The following ADGRB3 variants were observed in gnomAD, a reference collection of about 807,000 sequenced individuals.
ADGRB3 encodes the protein brain-specific angiogenesis inhibitor 3.
In ADGRB3, 37 loss-of-function variants were observed where a neutral mutation model predicts 193.4. That is an observed-to-expected ratio of 0.19 (90% CI 0.15 to 0.25). The LOEUF (loss-of-function observed/expected upper bound fraction) is 0.25, where lower values mean the gene tolerates loss of function less well. ADGRB3 is among the 10% of genes least tolerant of loss of function. The pLI is 1.00. For missense variants in ADGRB3, 1,637 were observed against 1,852.9 expected, an observed-to-expected ratio of 0.88 and a Z score of 2.14; for synonymous variants, 690 against 644.2, an observed-to-expected ratio of 1.07 and a Z score of -1.08.
At position 68,844,631 on chromosome 6, in the gene ADGRB3, A is replaced by G. The variant is rs1489662705; in HGVS notation, c.758-85928A>G. Among the ~76,000 whole-genome samples, 9 of 152,284 alleles carry G rather than the reference A, an allele frequency of 5.9e-5. No individual in the cohort carries two copies. In the South Asian group the frequency reaches 1.0e-3, roughly 18 times the overall value. On this transcript the variant is annotated intron_variant, in intron 3 of 31. Transcript: ENST00000370598. ...GTACCCACTGCTAGGTGTATACCCAAAAGTAATCAGGATATGGAGGAGATA... is the reference window on the plus strand; with the variant it reads ...GTACCCACTGCTAGGTGTATACCCAGAAGTAATCAGGATATGGAGGAGATA...
chr6:68,700,963 A>G (rs1266052263), intron 3 of ADGRB3, among the ~76,000 whole-genome samples: 1 of 152,140 alleles, frequency 6.6e-6, no homozygotes, highest in Non-Finnish European at 1.5e-5. Flanking sequence ...TAGAACTTGA[A>G]GTATAATAAA....
chr6:69,083,294 T>G (rs1772441467), intron 17 of ADGRB3, among the ~76,000 whole-genome samples: 1 of 152,200 alleles, frequency 6.6e-6, no homozygotes, highest in African/African-American at 2.4e-5. Context: ...CTTTTTAGAC[T>G]AAAGTATTTG....
chr6:68,892,506 C>T (rs2150229655), intron 3 of ADGRB3, among the ~76,000 whole-genome samples: 1 of 152,270 alleles, frequency 6.6e-6, no homozygotes, highest in Non-Finnish European at 1.5e-5. Context: ...TCCAACTCAA[C>T]ACTCAATTTA....
intron 17 of ADGRB3, among the ~76,000 whole-genome samples, chr6:69,079,553 G>T (rs895452553): frequency 6.6e-6 from 1 of 151,990 alleles, no homozygotes; most frequent in Admixed American, 6.6e-5. Context: ...CCTATTCAAC[G>T]TAGTATTGGA....
chr6:69,283,004 A>G (rs1767468094), intron 20 of ADGRB3, among the ~76,000 whole-genome samples: 1 of 152,158 alleles, frequency 6.6e-6, no homozygotes, highest in Non-Finnish European at 1.5e-5. Flanking sequence ...GAGATGGGCC[A>G]TGAGGAAGTG....
At chr6:69,038,179 G>A (rs1289448938) in intron 13 of ADGRB3, among the ~76,000 whole-genome samples, 1 of 152,136 alleles carries the variant, frequency 6.6e-6, no homozygotes, top group African/African-American at 2.4e-5. Flanking sequence ...TTCTGGGAAT[G>A]AGTGATTTGC....
chr6:68,779,230 ATGTGTGTGTGTGTG>A (rs4038665), intron 3 of ADGRB3, among the ~76,000 whole-genome samples: 1 of 144,490 alleles, frequency 6.9e-6, no homozygotes, highest in Non-Finnish European at 1.5e-5. Context: ...TGTATATATT[ATGTGTGTGTGTGTG>A]TGTGTGTGTG....
intron 17 of ADGRB3, among the ~76,000 whole-genome samples, chr6:69,166,264 G>A (rs913458933): frequency 1.3e-5 from 2 of 152,046 alleles, no homozygotes; most frequent in Admixed American, 6.6e-5. Flanking sequence ...CAGCAGGTTC[G>A]TAGCTCGAAG....
At chr6:69,366,788 T>A (rs1769578117) in intron 29 of ADGRB3, among the ~76,000 whole-genome samples, 1 of 152,140 alleles carries the variant, frequency 6.6e-6, no homozygotes, top group Non-Finnish European at 1.5e-5. Flanking sequence ...AAATAAAAAG[T>A]CACATTCTTT....
intron 23 of ADGRB3, 23 bp downstream of exon 23, chr6:69,330,595 T>A (rs1489286166): frequency 5.7e-6 from 9 of 1,581,360 alleles, no homozygotes; most frequent in Non-Finnish European, 7.7e-6. Context: ...ATCAACCTAT[T>A]TTGTTTTCTT....
At chr6:69,201,114 G>T (rs994326807) in intron 17 of ADGRB3, among the ~76,000 whole-genome samples, 2 of 151,960 alleles carry the variant, frequency 1.3e-5, no homozygotes, top group African/African-American at 4.8e-5. Flanking sequence ...TTCTTTAGAT[G>T]CTTCTGTTTA....
At chr6:68,768,892 C>T (rs1766563717) in intron 3 of ADGRB3, among the ~76,000 whole-genome samples, 1 of 151,428 alleles carries the variant, frequency 6.6e-6, no homozygotes, top group East Asian at 1.9e-4. Flanking sequence ...TGAACAGACA[C>T]TTCTCAAAAG....
chr6:68,799,827 A>G (rs1292096117), intron 3 of ADGRB3, among the ~76,000 whole-genome samples: 1 of 152,222 alleles, frequency 6.6e-6, no homozygotes, highest in Non-Finnish European at 1.5e-5. Flanking sequence ...TATGCACACC[A>G]TGAAATAGGA....
intron 15 of ADGRB3, among the ~76,000 whole-genome samples, chr6:69,051,746 G>A (rs1482570997): frequency 6.6e-6 from 1 of 150,648 alleles, no homozygotes; most frequent in Non-Finnish European, 1.5e-5. Flanking sequence ...AATGAACAAG[G>A]GTGATTCTTT....
chr6:69,180,478 G>A (rs1368012990), intron 17 of ADGRB3, among the ~76,000 whole-genome samples: 2 of 152,072 alleles, frequency 1.3e-5, no homozygotes, highest in African/African-American at 4.8e-5. Context: ...GTCTAGGAAG[G>A]GTGGGGCAGC....
chr6:69,142,378 T>C (rs938750103), intron 17 of ADGRB3, among the ~76,000 whole-genome samples: 2 of 152,176 alleles, frequency 1.3e-5, no homozygotes, highest in African/African-American at 4.8e-5. Context: ...TGTGTACAGT[T>C]GTATATGAGT....
At chr6:68,999,421 C>T (rs987466752) in intron 11 of ADGRB3, among the ~76,000 whole-genome samples, 5 of 151,962 alleles carry the variant, frequency 3.3e-5, no homozygotes, top group African/African-American at 9.7e-5. Context: ...CCCGCCACCA[C>T]GCCCCGCTAA....
At chr6:69,335,734 A>G (rs1184391247) in intron 24 of ADGRB3, among the ~76,000 whole-genome samples, 2 of 152,100 alleles carry the variant, frequency 1.3e-5, no homozygotes, top group African/African-American at 4.8e-5. Flanking sequence ...GGTCGACTTG[A>G]CAACCAATCC....
At chr6:68,736,090 T>A (rs1442552719) in intron 3 of ADGRB3, among the ~76,000 whole-genome samples, 2 of 152,076 alleles carry the variant, frequency 1.3e-5, no homozygotes, top group South Asian at 4.1e-4. Context: ...TGGCTCACTG[T>A]AGCCTCAAGT....
Sources: allele counts gnomAD v4.1 joint callset (sites outside exome capture counted in the v4.1 genomes callset), GRCh38; gene constraint gnomAD v4.1.1; transcripts MANE v1.5; gene names NCBI Gene and HGNC (gene_info 2026-07-23, HGNC 2026-07-21).